Variants in MYO1D observed in about 807,000 individuals in gnomAD.
The protein encoded by MYO1D is unconventional myosin-Id.
In MYO1D, 83 loss-of-function variants were observed where a neutral mutation model predicts 122.0. The observed-to-expected ratio is 0.68, with a 90% CI of 0.57 to 0.82. The LOEUF (loss-of-function observed/expected upper bound fraction) is 0.82, where lower values mean the gene tolerates loss of function less well. MYO1D is among the 40% of genes least tolerant of loss of function. MYO1D has a pLI of 0.00. For synonymous variants in MYO1D, 464 were observed against 446.9 expected (o/e 1.04, Z -0.48); for missense variants, 1,157 against 1,269.5 (o/e 0.91, Z 1.35).
At chr17:32,738,725 T>G (rs2089738744) in intron 13 of MYO1D, among the ~76,000 whole-genome samples, 1 of 152,174 alleles carries the variant, frequency 6.6e-6, no homozygotes, top group South Asian at 2.1e-4. Flanking sequence ...TTGTGATGGT[T>G]AGAAAATGAG....
In MYO1D at chr17:32,756,033, GC is replaced by G. The variant is rs1426474924; in HGVS notation, c.1297-372del. Among the ~76,000 whole-genome samples the G allele has an allele frequency of 4.6e-5, 7 of 151,952 alleles. No individual in the cohort carries two copies. The East Asian group carries it at 1.2e-3, about 25-fold the overall frequency. The stretch of plus-strand genomic sequence containing the variant: ...CTGTAAGGTCCACCTTCCACAAAGG[GC>G]CAACAAATAACCTTAAAGTATTATC... On this transcript the variant is annotated intron_variant, in intron 10 of 21. Coordinates refer to ENST00000318217, the MANE Select transcript of MYO1D (RefSeq NM_015194.3).
chr17:32,812,044 C>G (rs573217166), intron 1 of MYO1D, among the ~76,000 whole-genome samples: 1 of 152,262 alleles, frequency 6.6e-6, no homozygotes, highest in South Asian at 2.1e-4. Context: ...TGTAGTTTGT[C>G]ACTTTTATTT....
intron 19 of MYO1D, among the ~76,000 whole-genome samples, chr17:32,650,249 T>C (rs1342532042): frequency 6.6e-6 from 1 of 152,268 alleles, no homozygotes; most frequent in East Asian, 1.9e-4. Context: ...AAGATGTTGC[T>C]CCACTGTCTC....
At chr17:32,809,971 A>C (rs1177936016) in intron 1 of MYO1D, among the ~76,000 whole-genome samples, 1 of 152,220 alleles carries the variant, frequency 6.6e-6, no homozygotes, top group African/African-American at 2.4e-5. Context: ...CTATACCTAA[A>C]GGCAGTGGGA....
At chr17:32,676,039 T>C (rs2088804121) in intron 16 of MYO1D, among the ~76,000 whole-genome samples, 1 of 152,200 alleles carries the variant, frequency 6.6e-6, no homozygotes, top group African/African-American at 2.4e-5. Context: ...TTGTGAGATA[T>C]TTCTGATGTT....
At chr17:32,824,564 G>C (rs1397294099) in intron 1 of MYO1D, among the ~76,000 whole-genome samples, 2 of 152,124 alleles carry the variant, frequency 1.3e-5, no homozygotes, top group African/African-American at 2.4e-5. Flanking sequence ...TCACAACCCT[G>C]TTAAGGAGCA....
At chr17:32,778,622 G>C in intron 2 of MYO1D, 49 bp from the exon 3 acceptor site, 1 of 1,464,890 alleles carries the variant, frequency 6.8e-7, no homozygotes, top group Non-Finnish European at 9.5e-7. Context: ...TAAACCAAGA[G>C]TAAGCTAATT....
chr17:32,523,047 C>T (rs1246361425), intron 21 of MYO1D, among the ~76,000 whole-genome samples: 1 of 152,300 alleles, frequency 6.6e-6, no homozygotes, highest in African/African-American at 2.4e-5. Context: ...GATCTCCTGA[C>T]CTTGTGATCT....
At chr17:32,854,096 A>T (rs2091009941) in intron 1 of MYO1D, among the ~76,000 whole-genome samples, 1 of 152,212 alleles carries the variant, frequency 6.6e-6, no homozygotes, top group Non-Finnish European at 1.5e-5. Context: ...TTTTTTTACT[A>T]GCAATATCAA....
At chr17:32,556,775 A>G (rs1289165935) in intron 21 of MYO1D, among the ~76,000 whole-genome samples, 1 of 152,192 alleles carries the variant, frequency 6.6e-6, no homozygotes, top group Admixed American at 6.5e-5. Context: ...TGAACATCAC[A>G]TTTAACATTA....
chr17:32,664,766 C>T (rs1005853422), intron 16 of MYO1D, among the ~76,000 whole-genome samples: 1 of 152,192 alleles, frequency 6.6e-6, no homozygotes, highest in Admixed American at 6.5e-5. Flanking sequence ...GCTGGCATGG[C>T]GTTGCACACA....
chr17:32,552,451 T>TCCAC (rs1567887143), intron 21 of MYO1D, among the ~76,000 whole-genome samples: 13 of 150,088 alleles, frequency 8.7e-5, no homozygotes, highest in Admixed American at 2.0e-4. Flanking sequence ...CATCCATCCA[T>TCCAC]CCATCCATCC....
rs370918624 is a variant in MYO1D, at chr17:32,550,260, C to T, written c.2864+54827G>A. The stretch of plus-strand genomic sequence containing the variant: ...GATTACAGGTGTGCACCACCATGGC[C>T]GGCTAATTTTTGTATTTTTAGTAGA... On this transcript the variant is annotated intron_variant, in intron 21 of 21. Transcript: ENST00000318217. Among the ~76,000 whole-genome samples the T allele has an allele frequency of 8.5e-5, 13 of 152,088 alleles. No homozygotes were observed. The South Asian group carries it at 1.9e-3, about 22-fold the overall frequency.
intron 16 of MYO1D, among the ~76,000 whole-genome samples, chr17:32,669,895 C>CTTTTTTTTTTT (rs151075296): frequency 7.0e-6 from 1 of 143,840 alleles, no homozygotes; most frequent in Admixed American, 6.9e-5. Context: ...TTTTCTTTTT[C>CTTTTTTTTTTT]TTTTTTCTTT....
chr17:32,755,758 C>A, intron 10 of MYO1D, 96 bp from the exon 11 acceptor site: 7 of 1,075,010 alleles, frequency 6.5e-6, no homozygotes, highest in South Asian at 1.6e-5. Context: ...TCAGGTAAAA[C>A]TACTTTGGTG....
chr17:32,553,343 G>A (rs1908851913), intron 21 of MYO1D, among the ~76,000 whole-genome samples: 1 of 152,194 alleles, frequency 6.6e-6, no homozygotes, highest in African/African-American at 2.4e-5. Context: ...AGGCTGAATA[G>A]GACTGCCTTT....
At chr17:32,502,144 A>T (rs1200190334) in intron 21 of MYO1D, among the ~76,000 whole-genome samples, 1 of 152,256 alleles carries the variant, frequency 6.6e-6, no homozygotes, top group Non-Finnish European at 1.5e-5. Flanking sequence ...GACTTTTCCT[A>T]CATAAACCCA....
At chr17:32,614,348 G>A (rs911643996) in intron 20 of MYO1D, among the ~76,000 whole-genome samples, 7 of 150,996 alleles carry the variant, frequency 4.6e-5, no homozygotes, top group Non-Finnish European at 8.8e-5. Flanking sequence ...GTGTTTGCTC[G>A]TATTTTGACA....
intron 16 of MYO1D, among the ~76,000 whole-genome samples, chr17:32,671,152 C>T (rs1389595549): frequency 6.6e-6 from 1 of 152,238 alleles, no homozygotes; most frequent in South Asian, 2.1e-4. Context: ...CATATTGTAA[C>T]ACTCCCTTTG....
Sources: gnomAD v4.1 joint callset for allele counts (sites outside exome capture counted in the v4.1 genomes callset) on GRCh38, gnomAD v4.1.1 for gene constraint, MANE v1.5 for transcripts, NCBI Gene and HGNC (gene_info 2026-07-23, HGNC 2026-07-21) for gene names.